Variants in UVRAG observed in about 807,000 individuals in gnomAD.
UVRAG encodes the protein UV radiation resistance-associated gene protein.
A neutral mutation model predicts 78.0 loss-of-function variants in UVRAG; 19 were observed. That is an observed-to-expected ratio of 0.24 (90% CI 0.17 to 0.36). The LOEUF (loss-of-function observed/expected upper bound fraction) is 0.36. Among genes scored for constraint, UVRAG ranks in the 10% least tolerant of loss-of-function variants. The probability of loss-of-function intolerance (pLI) is 1.00; values close to 1 mark genes in which losing one functional copy is unlikely to be tolerated. For synonymous variants in UVRAG, 323 were observed against 324.6 expected (o/e 1.00, Z 0.05); for missense variants, 740 against 853.8 (o/e 0.87, Z 1.66).
intron 5 of UVRAG, chr11:75,911,295 TA>T (rs1947731715): frequency 6.0e-6 from 1 of 166,332 alleles, no homozygotes; most frequent in African/African-American, 2.4e-5. Context: ...GTTGTCGGGA[TA>T]GATTCTGCAG....
At chr11:75,819,666 G>T (rs1208672880) in intron 1 of UVRAG, among the ~76,000 whole-genome samples, 1 of 151,624 alleles carries the variant, frequency 6.6e-6, no homozygotes, top group Non-Finnish European at 1.5e-5. Context: ...CTATTTTTTA[G>T]AAAGTTTTAT....
At chr11:76,034,728 G>A (rs564041495) in intron 12 of UVRAG, among the ~76,000 whole-genome samples, 2 of 152,060 alleles carry the variant, frequency 1.3e-5, no homozygotes, top group Non-Finnish European at 2.9e-5. Flanking sequence ...TGTTAATAAT[G>A]CCTAGAATTT....
intron 14 of UVRAG, among the ~76,000 whole-genome samples, chr11:76,140,080 TCCCCCTCTCC>T (rs1287370087): frequency 0.069 from 397 of 5,794 alleles, 25 homozygotes; most frequent in African/African-American, 0.086. Flanking sequence ...CCTCCCTCCC[TCCCCCTCTCC>T]CCCTCCCTCC....
intron 1 of UVRAG, among the ~76,000 whole-genome samples, chr11:75,817,479 A>T (rs568846303): frequency 6.6e-6 from 1 of 152,200 alleles, no homozygotes; most frequent in Non-Finnish European, 1.5e-5. Flanking sequence ...GCTGAATGCT[A>T]TATGAGTGCC....
chr11:75,984,068 C>T (rs543396537), intron 8 of UVRAG, among the ~76,000 whole-genome samples: 38 of 152,188 alleles, frequency 2.5e-4, no homozygotes, highest in African/African-American at 7.7e-4. Context: ...ATTTAACGTA[C>T]GATTTTTCAG....
rs149264054 is a variant in UVRAG at position 75,946,248 on chromosome 11, G to A, written c.594-15196G>A. On this transcript the variant is annotated intron_variant, in intron 6 of 14. Transcript: ENST00000356136. Reference sequence around the variant, plus strand: ...TAGAAAGTGCTCAATGTGAAGACAGGATGAATGAATAAATTTAAAGATACG... The same window carrying A: ...TAGAAAGTGCTCAATGTGAAGACAGAATGAATGAATAAATTTAAAGATACG... Among the ~76,000 whole-genome samples, 68 of 152,262 alleles carry A rather than the reference G, an allele frequency of 4.5e-4. 1 individual carries two copies. In the East Asian group the frequency reaches 0.012, roughly 27 times the overall value.
chr11:75,882,256 A>G (rs1451367764), intron 4 of UVRAG, among the ~76,000 whole-genome samples: 1 of 152,124 alleles, frequency 6.6e-6, no homozygotes, highest in Non-Finnish European at 1.5e-5. Context: ...CATGCCTGTA[A>G]CCTTGGGAGC....
At chr11:75,951,545 G>T (rs1948703923) in intron 6 of UVRAG, among the ~76,000 whole-genome samples, 1 of 152,066 alleles carries the variant, frequency 6.6e-6, no homozygotes, top group Admixed American at 6.6e-5. Context: ...ATCACGCCTG[G>T]CTAATTTTGT....
intron 5 of UVRAG, among the ~76,000 whole-genome samples, chr11:75,908,129 A>G (rs115501656): frequency 0.019 from 2,824 of 152,188 alleles, 81 homozygotes; most frequent in African/African-American, 0.064. Flanking sequence ...TTCTGTTTCT[A>G]TGATTTTGAC....
intron 12 of UVRAG, among the ~76,000 whole-genome samples, chr11:76,043,101 C>T (rs1950682305): frequency 6.6e-6 from 1 of 152,198 alleles, no homozygotes; most frequent in African/African-American, 2.4e-5. Flanking sequence ...AGAAGGCTCA[C>T]TTGATCTGTA....
Position 75,879,921 on chromosome 11 carries a change from C to T in UVRAG, c.313C>T (p.Arg105Cys), listed in dbSNP as rs773553252. 2 of 1,613,952 alleles carry T rather than the reference C, an allele frequency of 1.2e-6. No individual in the cohort carries two copies. The highest frequency in any genetic ancestry group is 8.5e-7 in the Non-Finnish European group (1 of 1,179,988). Residue 105 changes from arginine to cysteine, a missense_variant, in exon 4 of 15, where the codon CGT becomes TGT. Coordinates refer to ENST00000356136, the MANE Select transcript of UVRAG (RefSeq NM_003369.4). ...RSLDFGIMPD[R>C]LDTSVSCFVV... The stretch of plus-strand genomic sequence containing the variant: ...TCTCGATTTTGGAATTATGCCAGAC[C>T]GTCTTGATACATCTGTGTCTTGTTT...
At chr11:75,946,969 C>T (rs962228466) in intron 6 of UVRAG, among the ~76,000 whole-genome samples, 4 of 152,132 alleles carry the variant, frequency 2.6e-5, no homozygotes, top group African/African-American at 9.7e-5. Flanking sequence ...CAGTTTCTGG[C>T]GAGGCTCTCT....
Position 75,912,028 on chromosome 11 carries a change from C to T in UVRAG, c.582C>T (p.Phe194=). The T allele has an allele frequency of 1.2e-6, 2 of 1,610,002 alleles. No individual in the cohort carries two copies. The highest frequency in any genetic ancestry group is 2.2e-5 in the East Asian group (1 of 44,828). The stretch of plus-strand genomic sequence containing the variant: ...GTGTTCGCAATTCTTACGATGTCTT[C>T]TCTTTGCTACGGTAAGAAACTTCTT... The part of the protein sequence containing the change: ...QNCVRNSYDV[F]SLLRLHRAQC... Residue 194 remains phenylalanine (F), a synonymous_variant, in exon 6 of 15, where the codon TTC becomes TTT. Coordinates refer to ENST00000356136, the MANE Select transcript of UVRAG (RefSeq NM_003369.4).
At chr11:75,980,693 T>C (rs1215997223) in intron 7 of UVRAG, among the ~76,000 whole-genome samples, 1 of 151,776 alleles carries the variant, frequency 6.6e-6, no homozygotes, top group Non-Finnish European at 1.5e-5. Flanking sequence ...TTTTTTTTTT[T>C]TTTTTGAGAT....
intron 5 of UVRAG, among the ~76,000 whole-genome samples, chr11:75,889,553 G>C (rs1402307956): frequency 1.3e-5 from 2 of 152,204 alleles, no homozygotes; most frequent in South Asian, 4.1e-4. Flanking sequence ...TCTAAAGCCT[G>C]TGCTTTTTCT....
At chr11:75,921,884 C>G (rs1019998473) in intron 6 of UVRAG, among the ~76,000 whole-genome samples, 2 of 151,874 alleles carry the variant, frequency 1.3e-5, no homozygotes, top group African/African-American at 4.8e-5. Flanking sequence ...TGGATTCGCT[C>G]TTTTTTTGTT....
chr11:75,969,143 C>T (rs77286155), intron 7 of UVRAG, among the ~76,000 whole-genome samples: 2,964 of 152,228 alleles, frequency 0.019, 110 homozygotes, highest in African/African-American at 0.068. Flanking sequence ...AACTCCTCGC[C>T]TCCCTCTACT....
intron 13 of UVRAG, among the ~76,000 whole-genome samples, chr11:76,112,768 G>A (rs1016278911): frequency 4.2e-5 from 6 of 144,428 alleles, no homozygotes; most frequent in Admixed American, 3.5e-4. Context: ...CTCTTATCAC[G>A]CAGGCTGGAG....
intron 12 of UVRAG, among the ~76,000 whole-genome samples, chr11:76,057,304 C>G (rs1951002775): frequency 6.6e-6 from 1 of 152,072 alleles, no homozygotes; most frequent in Non-Finnish European, 1.5e-5. Context: ...TTAGCCCGAA[C>G]CAATGGATAT....
Sources: allele counts gnomAD v4.1 joint callset (sites outside exome capture counted in the v4.1 genomes callset), GRCh38; gene constraint gnomAD v4.1.1; transcripts MANE v1.5; gene names NCBI Gene and HGNC (gene_info 2026-07-23, HGNC 2026-07-21).